Variants in ADGRB3 observed in about 807,000 individuals in gnomAD.
The protein encoded by ADGRB3 is brain-specific angiogenesis inhibitor 3.
Under a neutral mutation model 193.4 loss-of-function variants are expected in ADGRB3, and 37 were observed. That is an observed-to-expected ratio of 0.19 (90% CI 0.15 to 0.25). ADGRB3 has a LOEUF of 0.25. Among genes scored for constraint, ADGRB3 ranks in the 10% least tolerant of loss-of-function variants. The probability of loss-of-function intolerance (pLI) is 1.00; values close to 1 mark genes in which losing one functional copy is unlikely to be tolerated. For synonymous variants in ADGRB3, 690 were observed against 644.2 expected, an observed-to-expected ratio of 1.07 and a Z score of -1.08; for missense variants, 1,637 against 1,852.9, an observed-to-expected ratio of 0.88 and a Z score of 2.14.
chr6:69,261,039 GTTTT>G (rs541693179), intron 20 of ADGRB3, among the ~76,000 whole-genome samples: 72 of 152,174 alleles, frequency 4.7e-4, no homozygotes, highest in African/African-American at 1.7e-3. Flanking sequence ...GCTTTCCAAT[GTTTT>G]TATCATCACC....
intron 3 of ADGRB3, among the ~76,000 whole-genome samples, chr6:68,667,605 T>G (rs757604373): frequency 1.9e-4 from 29 of 151,944 alleles, no homozygotes; most frequent in Non-Finnish European, 5.9e-5. Context: ...CATAACTAAC[T>G]TTCTTCCAGG....
chr6:68,650,862 G>T (rs1371798270), intron 3 of ADGRB3, among the ~76,000 whole-genome samples: 1 of 152,000 alleles, frequency 6.6e-6, no homozygotes, highest in Non-Finnish European at 1.5e-5. Flanking sequence ...AAATTAAAAG[G>T]CTGACTTTTC....
At chr6:69,072,503 A>G (rs369860772) in intron 16 of ADGRB3, among the ~76,000 whole-genome samples, 1 of 152,224 alleles carries the variant, frequency 6.6e-6, no homozygotes, top group South Asian at 2.1e-4. Context: ...AGAAGTATCC[A>G]AACAATTAAG....
At position 68,897,833 on chromosome 6, in the gene ADGRB3, A is replaced by G. The variant is rs1766279963; in HGVS notation, c.758-32726A>G. On this transcript the variant is annotated intron_variant, in intron 3 of 31. Transcript: ENST00000370598. ...AAAGAAGAAAAGGAAGGAAGGAGAG[A>G]AAAAGAGAAAGAAAGAAGAAAACAA... Among the ~76,000 whole-genome samples the G allele has an allele frequency of 2.0e-5, 3 of 150,264 alleles. No homozygotes were observed. In the South Asian group the frequency reaches 6.3e-4, roughly 31 times the overall value.
At position 68,976,247 on chromosome 6, in the gene ADGRB3, C is replaced by A. The variant is rs147143833; in HGVS notation, c.1734+907C>A. ...GAGAAATAGCTTATACAATAACAAC[C>A]CCTATCAACTAATAGAATTAGTATT... On this transcript the variant is annotated intron_variant, in intron 10 of 31. Transcript: ENST00000370598. Among the ~76,000 whole-genome samples, 419 of 152,004 alleles carry A rather than the reference C, an allele frequency of 2.8e-3. 4 individuals carry two copies. Among genetic ancestry groups the A allele is most frequent in the African/African-American group, 9.6e-3 (400 of 41,454 alleles).
At chr6:69,049,128 T>C (rs1485562262) in intron 14 of ADGRB3, 143 bp from the exon 15 acceptor site, 3 of 577,766 alleles carry the variant, frequency 5.2e-6, no homozygotes, top group Non-Finnish European at 8.9e-6. Context: ...TTAATGTGCA[T>C]GGTTAGGAAT....
chr6:69,338,784 C>T (rs1022501622), intron 24 of ADGRB3, 132 bp from the exon 25 acceptor site: 13 of 747,864 alleles, frequency 1.7e-5, no homozygotes, highest in African/African-American at 5.3e-5. Context: ...TTACAACAAC[C>T]TAGAGCATAC....
At chr6:69,131,748 G>A (rs750876799) in intron 17 of ADGRB3, among the ~76,000 whole-genome samples, 6 of 151,952 alleles carry the variant, frequency 3.9e-5, no homozygotes, top group Non-Finnish European at 8.8e-5. Context: ...TCTACATTAG[G>A]TATTTCTCCT....
chr6:69,164,983 C>A (rs1474927236), intron 17 of ADGRB3, among the ~76,000 whole-genome samples: 1 of 151,872 alleles, frequency 6.6e-6, no homozygotes, highest in Non-Finnish European at 1.5e-5. Context: ...TTTCTATGCC[C>A]CACCCCTCCT....
At chr6:68,746,028 A>G (rs1766076743) in intron 3 of ADGRB3, among the ~76,000 whole-genome samples, 1 of 152,136 alleles carries the variant, frequency 6.6e-6, no homozygotes, top group South Asian at 2.1e-4. Flanking sequence ...AAATTTTCTC[A>G]TGGATGTATT....
intron 3 of ADGRB3, among the ~76,000 whole-genome samples, chr6:68,769,219 A>G (rs1245101965): frequency 3.3e-5 from 5 of 152,140 alleles, no homozygotes; most frequent in South Asian, 2.1e-4. Context: ...AAATCATTCT[A>G]CTATAAAGAC....
At chr6:69,011,165 GTGTA>G (rs1324067039) in intron 11 of ADGRB3, among the ~76,000 whole-genome samples, 5 of 133,232 alleles carry the variant, frequency 3.8e-5, no homozygotes, top group East Asian at 4.4e-4. Context: ...GTGTGTGTGT[GTGTA>G]TATATATATT....
intron 3 of ADGRB3, among the ~76,000 whole-genome samples, chr6:68,663,508 T>C (rs1768720636): frequency 6.6e-6 from 1 of 151,786 alleles, no homozygotes; most frequent in African/African-American, 2.4e-5. Context: ...TTTTAAATTG[T>C]GTATATTTGC....
chr6:68,756,856 G>A (rs1010124988), intron 3 of ADGRB3, among the ~76,000 whole-genome samples: 6 of 152,082 alleles, frequency 3.9e-5, no homozygotes, highest in African/African-American at 1.2e-4. Context: ...TGTGATAATG[G>A]ACATTTAATC....
intron 3 of ADGRB3, among the ~76,000 whole-genome samples, chr6:68,823,350 T>G (rs566575986): frequency 7.2e-5 from 11 of 152,112 alleles, no homozygotes; most frequent in South Asian, 4.1e-4. Flanking sequence ...TACAACAAGG[T>G]TTCCCATCAT....
At chr6:68,905,638 T>G (rs544882155) in intron 3 of ADGRB3, among the ~76,000 whole-genome samples, 1 of 152,220 alleles carries the variant, frequency 6.6e-6, no homozygotes, top group East Asian at 1.9e-4. Context: ...GTCCATGACC[T>G]CCATCTTCAA....
At chr6:69,256,914 G>T (rs1359365175) in intron 20 of ADGRB3, among the ~76,000 whole-genome samples, 3 of 152,080 alleles carry the variant, frequency 2.0e-5, no homozygotes, top group Admixed American at 6.6e-5. Flanking sequence ...TTAGCATGAA[G>T]GTTGTTGAAT....
intron 3 of ADGRB3, among the ~76,000 whole-genome samples, chr6:68,650,323 G>T (rs893592939): frequency 6.6e-6 from 1 of 151,424 alleles, no homozygotes; most frequent in Admixed American, 6.6e-5. Flanking sequence ...GGTTTTTTTC[G>T]GTATTTATCT....
chr6:68,924,763 G>A (rs1767135073), intron 3 of ADGRB3, among the ~76,000 whole-genome samples: 2 of 151,882 alleles, frequency 1.3e-5, no homozygotes, highest in South Asian at 2.1e-4. Context: ...TAGCATTTTG[G>A]GCCCTGTAGC....
Sources: gnomAD v4.1 joint callset for allele counts (sites outside exome capture counted in the v4.1 genomes callset) on GRCh38, gnomAD v4.1.1 for gene constraint, MANE v1.5 for transcripts, NCBI Gene and HGNC (gene_info 2026-07-23, HGNC 2026-07-21) for gene names.